CDIN1: variants seen among roughly 807,000 people sequenced by gnomAD.
CDIN1 encodes the protein CDAN1 interacting nuclease 1.
CDIN1 carries 33 observed loss-of-function variants against 45.3 expected under a neutral mutation model. The ratio of observed to expected loss-of-function variants is 0.73; its 90% CI spans 0.55 to 0.97. CDIN1 has a LOEUF of 0.97. Ranked by LOEUF, CDIN1 falls within the 50% of genes least tolerant of loss-of-function variation. The pLI is 0.00. For missense variants in CDIN1, 303 were observed against 339.4 expected, an observed-to-expected ratio of 0.89 and a Z score of 0.84; for synonymous variants, 118 against 124.4, an observed-to-expected ratio of 0.95 and a Z score of 0.34.
intron 1 of CDIN1, among the ~76,000 whole-genome samples, chr15:36,602,329 T>C (rs1181317376): frequency 6.6e-6 from 1 of 152,266 alleles, no homozygotes; most frequent in East Asian, 1.9e-4. Context: ...CTATAATGAA[T>C]ACTATTTCCT....
chr15:36,614,793 A>G (rs549849489), intron 1 of CDIN1, among the ~76,000 whole-genome samples: 9 of 152,336 alleles, frequency 5.9e-5, no homozygotes, highest in Non-Finnish European at 1.0e-4. Flanking sequence ...GTGCTGTTCA[A>G]GTTTTCAGCT....
chr15:36,587,350 TCATC>T (rs1459806197), intron 1 of CDIN1, among the ~76,000 whole-genome samples: 2 of 151,870 alleles, frequency 1.3e-5, no homozygotes, highest in African/African-American at 2.4e-5. Flanking sequence ...GTTTGAGTGG[TCATC>T]CTGTGCTTAA....
At chr15:36,683,855 T>C (rs958507779) in intron 5 of CDIN1, among the ~76,000 whole-genome samples, 4 of 119,818 alleles carry the variant, frequency 3.3e-5, no homozygotes, top group African/African-American at 1.3e-4. Flanking sequence ...GAATGGGAGT[T>C]CACTCATGAT....
chr15:36,619,912 GA>G (rs563337320), intron 1 of CDIN1, among the ~76,000 whole-genome samples: 151 of 151,832 alleles, frequency 9.9e-4, no homozygotes, highest in African/African-American at 3.5e-3. Context: ...AACTTGAGTA[GA>G]TTTTTTTTTT....
intron 1 of CDIN1, among the ~76,000 whole-genome samples, chr15:36,603,895 G>A (rs1263125209): frequency 1.3e-5 from 2 of 152,160 alleles, no homozygotes; most frequent in African/African-American, 4.8e-5. Flanking sequence ...AGATGCCTTG[G>A]TTTGCTGCAA....
intron 1 of CDIN1, among the ~76,000 whole-genome samples, chr15:36,601,924 C>T (rs2038126505): frequency 6.6e-6 from 1 of 152,172 alleles, no homozygotes; most frequent in Non-Finnish European, 1.5e-5. Context: ...TTAACTTGCA[C>T]CATACACCAA....
At chr15:36,658,869 T>A (rs2040880467) in intron 5 of CDIN1, among the ~76,000 whole-genome samples, 1 of 152,202 alleles carries the variant, frequency 6.6e-6, no homozygotes, top group Non-Finnish European at 1.5e-5. Flanking sequence ...CCCAGTTACC[T>A]TGTGAAGGTT....
At chr15:36,699,614 A>C (rs1595488667) in intron 8 of CDIN1, among the ~76,000 whole-genome samples, 1 of 152,300 alleles carries the variant, frequency 6.6e-6, no homozygotes, top group South Asian at 2.1e-4. Context: ...TAATTTAAGA[A>C]TTATGACTTT....
chr15:36,697,191 G>T, intron 7 of CDIN1, 132 bp from the exon 8 acceptor site: 2 of 729,002 alleles, frequency 2.7e-6, no homozygotes, highest in Middle Eastern at 2.4e-4. Context: ...ATGAGGGGAT[G>T]TGTGTAGAGA....
chr15:36,711,194 T>C (rs1378884663), intron 10 of CDIN1, among the ~76,000 whole-genome samples: 4 of 152,134 alleles, frequency 2.6e-5, no homozygotes, highest in Non-Finnish European at 5.9e-5. Flanking sequence ...GCATCATTTT[T>C]GGAAGTATAG....
At chr15:36,660,013 A>G (rs2040945004) in intron 5 of CDIN1, among the ~76,000 whole-genome samples, 1 of 68,218 alleles carries the variant, frequency 1.5e-5, no homozygotes, top group South Asian at 4.7e-4. Flanking sequence ...ACTGTGGCTT[A>G]TATTCTGACA....
intron 10 of CDIN1, among the ~76,000 whole-genome samples, chr15:36,734,693 C>CT (rs1438135111): frequency 6.6e-6 from 1 of 152,146 alleles, no homozygotes; most frequent in Non-Finnish European, 1.5e-5. Flanking sequence ...TTTAAATTGT[C>CT]TTTGTTTTAG....
intron 4 of CDIN1, 73 bp downstream of exon 4, chr15:36,654,231 C>T: frequency 2.5e-6 from 3 of 1,217,454 alleles, no homozygotes; most frequent in East Asian, 2.6e-5. Flanking sequence ...ACTTTGCTTA[C>T]AATTATAACT....
chr15:36,701,267 A>G (rs1198504009), intron 8 of CDIN1, among the ~76,000 whole-genome samples: 1 of 152,144 alleles, frequency 6.6e-6, no homozygotes, highest in Non-Finnish European at 1.5e-5. Flanking sequence ...AAATTGAACC[A>G]TAAGCATTGT....
chr15:36,723,720 A>G (rs969325775), intron 10 of CDIN1, among the ~76,000 whole-genome samples: 1 of 152,188 alleles, frequency 6.6e-6, no homozygotes, highest in Non-Finnish European at 1.5e-5. Flanking sequence ...ATGGGCCACC[A>G]TGGCTGGCCT....
intron 10 of CDIN1, among the ~76,000 whole-genome samples, chr15:36,731,331 T>G (rs1017857333): frequency 6.6e-6 from 1 of 152,112 alleles, no homozygotes; most frequent in African/African-American, 2.4e-5. Flanking sequence ...CCCTTCATCC[T>G]TTTCATTTTG....
In CDIN1 at chr15:36,616,763, A is replaced by G. The variant is rs1015387087; in HGVS notation, c.102-27515A>G. ...AATATGGTGAAACCCTGTTTCTACTAAAAATACAAAAATTAGCCAGGCATG... is the reference window on the plus strand; with the variant it reads ...AATATGGTGAAACCCTGTTTCTACTGAAAATACAAAAATTAGCCAGGCATG... On this transcript the variant is annotated intron_variant, in intron 1 of 10. Coordinates refer to ENST00000566621, the MANE Select transcript of CDIN1 (RefSeq NM_001321759.2). Among the ~76,000 whole-genome samples the G allele has an allele frequency of 2.6e-5, 4 of 152,018 alleles. No individual in the cohort carries two copies. The South Asian group carries it at 8.3e-4, about 32-fold the overall frequency.
At chr15:36,800,905 G>GTATATATATATA (rs1437486563) in intron 10 of CDIN1, among the ~76,000 whole-genome samples, 55 of 22,062 alleles carry the variant, frequency 2.5e-3, no homozygotes, top group South Asian at 4.0e-3. Context: ...GTGTGTGTGT[G>GTATATATATATA]TGTGTATATA....
intron 1 of CDIN1, among the ~76,000 whole-genome samples, chr15:36,597,704 C>T (rs1398246620): frequency 1.3e-5 from 2 of 152,164 alleles, no homozygotes; most frequent in Admixed American, 1.3e-4. Context: ...ACCTGTTATT[C>T]ATCTAAAGTC....
Sources: allele counts gnomAD v4.1 joint callset (sites outside exome capture counted in the v4.1 genomes callset), GRCh38; gene constraint gnomAD v4.1.1; transcripts MANE v1.5; gene names NCBI Gene and HGNC (gene_info 2026-07-23, HGNC 2026-07-21).